GRIN2C: variants seen among roughly 807,000 people sequenced by gnomAD.
GRIN2C encodes the protein glutamate ionotropic receptor NMDA type subunit 2C.
GRIN2C carries 64 observed loss-of-function variants against 77.7 expected under a neutral mutation model. That is an observed-to-expected ratio of 0.82 (90% confidence interval 0.67 to 1.01). GRIN2C has a LOEUF of 1.01. Among genes scored for constraint, GRIN2C ranks in the 50% least tolerant of loss-of-function variants. The probability of loss-of-function intolerance (pLI) is 0.00; values close to 1 mark genes in which losing one functional copy is unlikely to be tolerated. For synonymous variants in GRIN2C, 792 were observed against 643.4 expected (o/e 1.23, Z -3.49); for missense variants, 1,549 against 1,486.0 (o/e 1.04, Z -0.70).
In GRIN2C at chr17:74,849,435, C is replaced by T. The variant is rs903621655; in HGVS notation, c.1645+345G>A. On this transcript the variant is annotated intron_variant, in intron 7 of 12. Transcript: ENST00000293190. This position sits in a 1 kb window ranked among gnomAD's most constrained non-coding sequence, Gnocchi z 4.6. ...AACACACCTCTTCGCACACTACACT[C>T]GCTCCTCAACTCCCCACGGGCCTCC... 3.3e-5 allele frequency among the ~76,000 whole-genome samples: 5 copies of T among 152,180 alleles called. No individual in the cohort carries two copies. The highest frequency in any genetic ancestry group is 4.8e-5 in the African/African-American group (2 of 41,446).
Position 74,843,432 on chromosome 17 carries a change from T to G in GRIN2C, c.2705A>C (p.Asp902Ala). The G allele has an allele frequency of 6.5e-7, 1 of 1,535,816 alleles. No individual in the cohort carries two copies. The highest frequency in any genetic ancestry group is 8.7e-7 in the Non-Finnish European group (1 of 1,146,190). The change falls in exon 13 of 13, where the codon GAC becomes GCC. Residue 902 changes from aspartate (D) to alanine (A), a missense_variant. Asp to Ala is a moderately radical substitution (Grantham distance 126, BLOSUM62 -2). Around this residue, in one of 3 missense-constraint regions of GRIN2C, gnomAD observed 450 missense variants for 267.9 expected, o/e 1.68. Coordinates refer to ENST00000293190, the MANE Select transcript of GRIN2C (RefSeq NM_000835.6). Reference protein sequence around the residue: ...SVLKMLQAARDMVTTAGVSSS... With the variant: ...SVLKMLQAARAMVTTAGVSSS... Reference sequence around the variant, plus strand: ...GCTTACGCCCGCCGTGGTCACCATGTCGCGGGCTGCCTGCAGCATCTTGAG... The same window carrying G: ...GCTTACGCCCGCCGTGGTCACCATGGCGCGGGCTGCCTGCAGCATCTTGAG...
In GRIN2C at chr17:74,852,309, C is replaced by G. The variant is rs533076462; in HGVS notation, c.702G>C (p.Glu234Asp). ...FVAYCSREEAEVLFAEAAQAG... is the reference protein window; with the variant it reads ...FVAYCSREEADVLFAEAAQAG... ...CCTGCGCCGCCTCGGCGAAGAGCAC[C>G]TCGGCCTCCTCGCGCGAGCAGTAGG... The change falls in exon 3 of 13, where the codon GAG (glutamate) becomes GAC (aspartate). Residue 234 changes from glutamate (E) to aspartate (D), a missense_variant. Glu to Asp is a conservative substitution (Grantham distance 45). Around this residue, in one of 3 missense-constraint regions of GRIN2C, gnomAD observed 382 missense variants for 360.0 expected, o/e 1.06. Transcript: ENST00000293190. The G allele has an allele frequency of 2.1e-6, 3 of 1,448,636 alleles. No homozygotes were observed. The highest frequency in any genetic ancestry group is 2.7e-6 in the Non-Finnish European group (3 of 1,107,742). The allele number at this position is 1,448,636 out of a possible 1,614,324, so 89.7% of individuals were successfully genotyped here.
intron 12 of GRIN2C, 61 bp downstream of exon 12, chr17:74,844,215 G>T: frequency 6.3e-7 from 1 of 1,595,946 alleles, no homozygotes; most frequent in Non-Finnish European, 8.6e-7. Flanking sequence ...TGGCCAGCCC[G>T]GACTTATCTG....
upstream of GRIN2C, chr17:74,860,570 C>A (rs1308122805): frequency 2.5e-5 from 11 of 446,804 alleles, no homozygotes; most frequent in African/African-American, 2.0e-4. Context: ...GCTTCCCCTC[C>A]CCGCCGTCGG....
At position 74,849,715 on chromosome 17, in the gene GRIN2C, C is replaced by G; in HGVS notation, c.1645+65G>C. On this transcript the variant is annotated intron_variant, in intron 7 of 12. Transcript: ENST00000293190. The surrounding 1 kb of genome is among the most constrained non-coding windows in gnomAD (Gnocchi z 4.6). Reference sequence around the variant, plus strand: ...ACCCAACTCCCCATCCCCACCCAAGCTGTACACACCCTCCTCGTGGGCCCC... The same window carrying G: ...ACCCAACTCCCCATCCCCACCCAAGGTGTACACACCCTCCTCGTGGGCCCC... 6.8e-7 allele frequency: 1 copy of G among 1,481,158 alleles called. No homozygotes were observed. Among genetic ancestry groups the G allele is most frequent in the Non-Finnish European group, 9.2e-7 (1 of 1,089,738 alleles). The allele number at this position is 1,481,158 out of a possible 1,614,324, so 91.8% of individuals were successfully genotyped here.
At position 74,849,726 on chromosome 17, in the gene GRIN2C, C is replaced by T; in HGVS notation, c.1645+54G>A. Reference sequence around the variant, plus strand: ...CATCCCCACCCAAGCTGTACACACCCTCCTCGTGGGCCCCTCTGCCCCCGG... The same window carrying T: ...CATCCCCACCCAAGCTGTACACACCTTCCTCGTGGGCCCCTCTGCCCCCGG... On this transcript the variant is annotated intron_variant, in intron 7 of 12. Coordinates refer to ENST00000293190, the MANE Select transcript of GRIN2C (RefSeq NM_000835.6). The surrounding 1 kb of genome is among the most constrained non-coding windows in gnomAD (Gnocchi z 4.6). The T allele has an allele frequency of 6.4e-7, 1 of 1,553,618 alleles. No homozygotes were observed. The highest frequency in any genetic ancestry group is 1.1e-5 in the South Asian group (1 of 88,442).
rs760286848 is a variant in GRIN2C, at chr17:74,847,936, A to G, written c.1687T>C (p.Cys563Arg). Residue 563 changes from cysteine to arginine, a missense_variant, in exon 8 of 13, where the codon TGC becomes CGC. By Grantham distance (180) the Cys-to-Arg change is radical (BLOSUM62 -3). Around this residue, in one of 3 missense-constraint regions of GRIN2C, gnomAD observed 717 missense variants for 858.1 expected, o/e 0.84. Coordinates refer to ENST00000293190, the MANE Select transcript of GRIN2C (RefSeq NM_000835.6). The surrounding 1 kb of genome is among the most constrained non-coding windows in gnomAD (Gnocchi z 5.2). Reference protein sequence around the residue: ...PAVWVMMFVMCLTVVAITVFM... With the variant: ...PAVWVMMFVMRLTVVAITVFM... ...ACGGTGATGGCCACCACAGTGAGGC[A>G]CATGACAAACATCATCACCCACACT... 6.2e-7 allele frequency: 1 copy of G among 1,614,080 alleles called. No homozygotes were observed. The highest frequency in any genetic ancestry group is 1.1e-5 in the South Asian group (1 of 91,088).
Position 74,842,856 on chromosome 17 carries a change from C to T in GRIN2C, c.3281G>A (p.Ser1094Asn). Residue 1094 changes from serine (S) to asparagine (N), a missense_variant, in exon 13 of 13, where the codon AGC (serine) becomes AAC (asparagine). By Grantham distance (46) the Ser-to-Asn change is conservative. This residue lies in a region of GRIN2C where 450 missense variants were observed against 267.9 expected (regional missense o/e 1.68). Coordinates refer to ENST00000293190, the MANE Select transcript of GRIN2C (RefSeq NM_000835.6). ...SSVAEAFARP[S>N]SLPAGCTGPA... Reference sequence around the variant, plus strand: ...GCCGGTGCACCCAGCGGGCAGCGAGCTGGGCCGAGCGAAGGCCTCGGCCAC... The same window carrying T: ...GCCGGTGCACCCAGCGGGCAGCGAGTTGGGCCGAGCGAAGGCCTCGGCCAC... The T allele has an allele frequency of 1.8e-6, 1 of 567,584 alleles. No individual in the cohort carries two copies. Among genetic ancestry groups the T allele is most frequent in the Non-Finnish European group, 3.0e-6 (1 of 328,662 alleles). The allele number at this position is 567,584 out of a possible 1,614,324, so 35.2% of individuals were successfully genotyped here.
At position 74,847,270 on chromosome 17, in the gene GRIN2C, G is replaced by GT; in HGVS notation, c.2001+37dup. ...CACTCACGGCCTGTCCCCACCCTCA[G>GT]TGCCCCCCCCCACCCCCAGCAGCTA... On this transcript the variant is annotated intron_variant, in intron 9 of 12. Coordinates refer to ENST00000293190, the MANE Select transcript of GRIN2C (RefSeq NM_000835.6). This position sits in a 1 kb window ranked among gnomAD's most constrained non-coding sequence, Gnocchi z 5.2. 9.6e-6 allele frequency: 6 copies of GT among 624,988 alleles called. No homozygotes were observed. Among genetic ancestry groups the GT allele is most frequent in the Admixed American group, 2.1e-5 (1 of 47,802 alleles). 38.7% of individuals were successfully genotyped at this position (624,988 alleles called of 1,614,324 possible).
chr17:74,846,434 C>G lies in GRIN2C; in HGVS notation c.2163-181G>C, dbSNP rs1384401445. ...TGGGGTGAGGACCCCTCCCACCCTC[C>G]TCTGCAGAGTGGCCAGGGGACTGTC... On this transcript the variant is annotated intron_variant, in intron 10 of 12. Coordinates refer to ENST00000293190, the MANE Select transcript of GRIN2C (RefSeq NM_000835.6). This position sits in a 1 kb window ranked among gnomAD's most constrained non-coding sequence, Gnocchi z 4.4. Among the ~76,000 whole-genome samples the G allele has an allele frequency of 6.6e-6, 1 of 152,160 alleles. No individual in the cohort carries two copies. The highest frequency in any genetic ancestry group is 1.5e-5 in the Non-Finnish European group (1 of 68,028).
rs967791401 is a variant in GRIN2C, at chr17:74,843,326, G to C, written c.2811C>G (p.Thr937=). The C allele has an allele frequency of 2.7e-6, 4 of 1,470,624 alleles. No individual in the cohort carries two copies. The highest frequency in any genetic ancestry group is 1.4e-5 in the African/African-American group (1 of 70,384). 91.1% of individuals were successfully genotyped at this position (1,470,624 alleles called of 1,614,324 possible). ...GGCATGGGCTGGGGCCAGACCGCGG[G>C]GTCGGGCAGGGGGACGGTGGGGGCG... The part of the protein sequence containing the change: ...RRAPPPSPCP[T]PRSGPSPCLP... The change falls in exon 13 of 13, where the codon ACC becomes ACG. Residue 937 remains threonine (T), a synonymous_variant. Coordinates refer to ENST00000293190, the MANE Select transcript of GRIN2C (RefSeq NM_000835.6).
chr17:74,846,199 C>T lies in GRIN2C; in HGVS notation c.2217G>A (p.Lys739=). The change falls in exon 11 of 13, where the codon AAG becomes AAA. Residue 739 remains lysine, a synonymous_variant. Coordinates refer to ENST00000293190, the MANE Select transcript of GRIN2C (RefSeq NM_000835.6). This position sits in a 1 kb window ranked among gnomAD's most constrained non-coding sequence, Gnocchi z 4.4. ...DAAVLNYMAG[K]DEGCKLVTIG... ...TGGTGACCAGCTTGCAGCCCTCGTCCTTGCCTGCCATGTAGTTGAGGACAG... is the reference window on the plus strand; with the variant it reads ...TGGTGACCAGCTTGCAGCCCTCGTCTTTGCCTGCCATGTAGTTGAGGACAG... The T allele has an allele frequency of 1.2e-6, 2 of 1,614,222 alleles. No homozygotes were observed. The highest frequency in any genetic ancestry group is 1.3e-5 in the African/African-American group (1 of 75,064).
upstream of GRIN2C, chr17:74,860,559 G>A (rs1166521712): frequency 4.4e-6 from 2 of 450,144 alleles, no homozygotes; most frequent in African/African-American, 2.0e-5. Flanking sequence ...GGAGACTCGG[G>A]GCTTCCCCTC....
chr17:74,851,698 G>C lies in GRIN2C; in HGVS notation c.999-7C>G, dbSNP rs761594531. ...GGTGACATTCAGTAGGTGCCTGCCAGAGGGGAGAGATGCCTGCAGCCCTGC... is the reference window on the plus strand; with the variant it reads ...GGTGACATTCAGTAGGTGCCTGCCACAGGGGAGAGATGCCTGCAGCCCTGC... On this transcript the variant is annotated splice_region_variant and splice_polypyrimidine_tract_variant and intron_variant, in intron 3 of 12. Transcript: ENST00000293190. 4 of 1,517,492 alleles carry C rather than the reference G, an allele frequency of 2.6e-6. No individual in the cohort carries two copies. The highest frequency in any genetic ancestry group is 9.0e-7 in the Non-Finnish European group (1 of 1,114,932). The allele number at this position is 1,517,492 out of a possible 1,614,324, so 94.0% of individuals were successfully genotyped here.
At chr17:74,851,096 C>G in intron 4 of GRIN2C, 1 of 399,390 alleles carries the variant, frequency 2.5e-6, no homozygotes, top group Non-Finnish European at 4.6e-6. Flanking sequence ...TCCAGGCTAG[C>G]ACCTCTTCCT....
At chr17:74,855,590 T>C (rs549841271) in intron 1 of GRIN2C, among the ~76,000 whole-genome samples, 7 of 152,352 alleles carry the variant, frequency 4.6e-5, no homozygotes, top group African/African-American at 1.7e-4. Flanking sequence ...GTGTGAGGAC[T>C]TAGATGAGCT....
rs1484098770 is a variant in GRIN2C at position 74,854,803 on chromosome 17, T to A, written c.290A>T (p.Asp97Val). ...AAHVHGIVFEDNVDTEAVAQI... is the reference protein window; with the variant it reads ...AAHVHGIVFEVNVDTEAVAQI... ...GGCCACCGCCTCGGTGTCCACGTTG[T>A]CCTCAAAGACAATGCCGTGGACGTG... Residue 97 changes from aspartate (D) to valine (V), a missense_variant, in exon 2 of 13, where the codon GAC becomes GTC. This residue lies in a region of GRIN2C where 382 missense variants were observed against 360.0 expected (regional missense o/e 1.06). Transcript: ENST00000293190. 1 of 1,613,680 alleles carries A rather than the reference T, an allele frequency of 6.2e-7. No individual in the cohort carries two copies. Among genetic ancestry groups the A allele is most frequent in the Non-Finnish European group, 8.5e-7 (1 of 1,179,722 alleles).
At chr17:74,856,960 A>C (rs2037836873) in intron 1 of GRIN2C, among the ~76,000 whole-genome samples, 1 of 152,100 alleles carries the variant, frequency 6.6e-6, no homozygotes, top group Non-Finnish European at 1.5e-5. Context: ...GGAACCCACT[A>C]AACCAACTTT....
At position 74,849,709 on chromosome 17, in the gene GRIN2C, C is replaced by T. The variant is rs147942219; in HGVS notation, c.1645+71G>A. 0.012 allele frequency: 17,908 copies of T among 1,440,776 alleles called. 161 individuals carry two copies. The highest frequency in any genetic ancestry group is 0.027 in the South Asian group (2,207 of 82,216). 89.2% of individuals were successfully genotyped at this position (1,440,776 alleles called of 1,614,324 possible). A position where few individuals can be genotyped will look rare whatever the true frequency, so the allele number is the denominator to read the frequency against. On this transcript the variant is annotated intron_variant, in intron 7 of 12. Transcript: ENST00000293190. This position sits in a 1 kb window ranked among gnomAD's most constrained non-coding sequence, Gnocchi z 4.6. ...GAGCCCACCCAACTCCCCATCCCCA[C>T]CCAAGCTGTACACACCCTCCTCGTG...
Sources: gnomAD v4.1 joint callset for allele counts (sites outside exome capture counted in the v4.1 genomes callset) on GRCh38, gnomAD v4.1.1 for gene constraint, gnomAD v4.1.1 regional missense constraint, Gnocchi (gnomAD v3.1) non-coding constraint, MANE v1.5 for transcripts, NCBI Gene and HGNC (gene_info 2026-07-23, HGNC 2026-07-21) for gene names.